RNF17: variants seen among roughly 807,000 people sequenced by gnomAD.
RNF17 encodes spermatogenesis associated 23.
RNF17 carries 31 observed loss-of-function variants against 200.5 expected under a neutral mutation model. That is an observed-to-expected ratio of 0.15 (90% CI 0.12 to 0.21). The LOEUF is 0.21. RNF17 is among the 10% of genes least tolerant of loss of function. RNF17 has a pLI of 1.00. For synonymous variants in RNF17, 606 were observed against 637.8 expected (o/e 0.95, Z 0.75); for missense variants, 1,628 against 1,905.1 (o/e 0.85, Z 2.71).
chr13:24,788,935 G>T (rs562158302), intron 7 of RNF17, among the ~76,000 whole-genome samples: 1 of 152,132 alleles, frequency 6.6e-6, no homozygotes, highest in Non-Finnish European at 1.5e-5. Flanking sequence ...TTGGCTAGGT[G>T]TCCCAGGCTT....
At chr13:24,822,254 C>T (rs1174302864) in intron 15 of RNF17, among the ~76,000 whole-genome samples, 2 of 152,078 alleles carry the variant, frequency 1.3e-5, no homozygotes, top group Non-Finnish European at 2.9e-5. Flanking sequence ...ATGGAGCCGC[C>T]ATTTTGAACA....
chr13:24,788,251 T>C, intron 7 of RNF17, 92 bp downstream of exon 7: 1 of 923,862 alleles, frequency 1.1e-6, no homozygotes, highest in Non-Finnish European at 1.6e-6. Context: ...GTTTTTCAGA[T>C]TATCCTAACC....
chr13:24,797,513 A>G (rs1428704074), intron 11 of RNF17, among the ~76,000 whole-genome samples: 1 of 152,116 alleles, frequency 6.6e-6, no homozygotes, highest in Non-Finnish European at 1.5e-5. Context: ...TATAATTTTG[A>G]TGAGAAAAAA....
In RNF17 at chr13:24,879,234, T is replaced by A. The variant is rs149542756; in HGVS notation, c.4821T>A (p.His1607Gln). 9 of 1,613,812 alleles carry A rather than the reference T, an allele frequency of 5.6e-6. No individual in the cohort carries two copies. In the African/African-American group the frequency reaches 1.2e-4, roughly 22 times the overall value. The stretch of plus-strand genomic sequence containing the variant: ...TGACATTATATGACGATGAACAGCA[T>A]CCAGTTCATATGCCGTTGGTAGAAA... ...QIVTLYDDEQ[H>Q]PVHMPLVEMG... The change falls in exon 35 of 36, where the codon CAT becomes CAA. Residue 1607 changes from histidine (H) to glutamine (Q), a missense_variant. His to Gln is a conservative substitution (Grantham distance 24, BLOSUM62 0). Transcript: ENST00000255324.
chr13:24,759,132 G>C, the RNF17 span, among the ~76,000 whole-genome samples: 1 of 148,774 alleles, frequency 6.7e-6, no homozygotes, highest in East Asian at 2.0e-4. Flanking sequence ...TTAGAATTGA[G>C]TGGCTGAGTA....
chr13:24,885,680 TA>T, the RNF17 span: 2 of 1,604,778 alleles, frequency 1.2e-6, no homozygotes, highest in Non-Finnish European at 1.7e-6. Flanking sequence ...CCTATTAGAA[TA>T]AAATTGTCAA....
At chr13:24,860,708 G>A (rs1347491737) in intron 26 of RNF17, among the ~76,000 whole-genome samples, 3 of 151,916 alleles carry the variant, frequency 2.0e-5, no homozygotes, top group East Asian at 1.9e-4. Flanking sequence ...TGCTCTTGAG[G>A]AATTTGTAAA....
intron 15 of RNF17, among the ~76,000 whole-genome samples, chr13:24,817,333 C>G (rs1253658058): frequency 6.6e-6 from 1 of 152,052 alleles, no homozygotes; most frequent in Non-Finnish European, 1.5e-5. Flanking sequence ...ATGAGTCAGT[C>G]TTGGAAGGTT....
At chr13:24,829,902 A>G (rs1889198466) in intron 16 of RNF17, among the ~76,000 whole-genome samples, 1 of 152,180 alleles carries the variant, frequency 6.6e-6, no homozygotes, top group African/African-American at 2.4e-5. Flanking sequence ...ATACTGTTAT[A>G]TGAATGAATC....
At chr13:24,836,392 T>G (rs1890002168) in intron 18 of RNF17, among the ~76,000 whole-genome samples, 1 of 152,190 alleles carries the variant, frequency 6.6e-6, no homozygotes, top group South Asian at 2.1e-4. Flanking sequence ...AAAAGATCTT[T>G]GCCCAGACAC....
chr13:24,806,755 G>A (rs1566159290), intron 15 of RNF17, among the ~76,000 whole-genome samples: 3 of 149,842 alleles, frequency 2.0e-5, no homozygotes, highest in Admixed American at 1.3e-4. Context: ...CCACTAACTC[G>A]TCATCTAGCA....
At chr13:24,869,730 T>G (rs1894041293) in intron 31 of RNF17, among the ~76,000 whole-genome samples, 1 of 152,152 alleles carries the variant, frequency 6.6e-6, no homozygotes, top group Non-Finnish European at 1.5e-5. Context: ...TAAGCCAGTC[T>G]CAGGAGTCAC....
At chr13:24,788,265 A>G (rs1883375927) in intron 7 of RNF17, 106 bp downstream of exon 7, 3 of 750,318 alleles carry the variant, frequency 4.0e-6, no homozygotes, top group Non-Finnish European at 6.2e-6. Flanking sequence ...CCTAACCTAT[A>G]TTATTATTTA....
chr13:24,868,914 T>G (rs1314211414), intron 31 of RNF17, among the ~76,000 whole-genome samples, 198 bp downstream of exon 31: 1 of 152,252 alleles, frequency 6.6e-6, no homozygotes, highest in Admixed American at 6.5e-5. Flanking sequence ...AAGGACCTAC[T>G]GGGTTCCTGG....
At chr13:24,770,872 T>C (rs1880566209) in intron 2 of RNF17, among the ~76,000 whole-genome samples, 1 of 152,212 alleles carries the variant, frequency 6.6e-6, no homozygotes, top group African/African-American at 2.4e-5. Flanking sequence ...TTGTGTACAA[T>C]TCCTCAACCT....
At chr13:24,872,273 A>G (rs1894375064) in intron 32 of RNF17, among the ~76,000 whole-genome samples, 1 of 152,106 alleles carries the variant, frequency 6.6e-6, no homozygotes, top group African/African-American at 2.4e-5. Context: ...ATGAGTTTAT[A>G]TATGCAAGAA....
At chr13:24,875,363 A>C (rs1285087171) in intron 33 of RNF17, among the ~76,000 whole-genome samples, 3 of 152,220 alleles carry the variant, frequency 2.0e-5, no homozygotes, top group Non-Finnish European at 4.4e-5. Context: ...ATGAAGGGAT[A>C]AGATGATGTT....
chr13:24,881,623 A>G (rs1953820120), downstream of RNF17, among the ~76,000 whole-genome samples: 2 of 151,424 alleles, frequency 1.3e-5, no homozygotes, highest in Admixed American at 6.6e-5. Flanking sequence ...ATAGCTATCT[A>G]TAATCTAGAG....
intron 28 of RNF17, 134 bp from the exon 29 acceptor site, chr13:24,864,739 T>A (rs11617969): frequency 0.13 from 82,426 of 648,888 alleles, 5,637 homozygotes; most frequent in Admixed American, 0.15. Context: ...AAGAAAATTC[T>A]ATGAAATGAG....
Sources: allele counts gnomAD v4.1 joint callset (sites outside exome capture counted in the v4.1 genomes callset), GRCh38; gene constraint gnomAD v4.1.1; transcripts MANE v1.5; gene names NCBI Gene and HGNC (gene_info 2026-07-23, HGNC 2026-07-21).